Variants in CREG1 observed in about 807,000 individuals in gnomAD.
The protein encoded by CREG1 is protein CREG1.
A neutral mutation model predicts 19.9 loss-of-function variants in CREG1; 20 were observed. That is an observed-to-expected ratio of 1.01 (90% CI 0.71 to 1.46). The LOEUF (loss-of-function observed/expected upper bound fraction) is 1.46. CREG1 is among the 40% of genes most tolerant of loss of function. The pLI, the probability that CREG1 is intolerant of heterozygous loss-of-function variation, is 0.00. For missense variants in CREG1, 290 were observed against 314.9 expected, an observed-to-expected ratio of 0.92 and a Z score of 0.60; for synonymous variants, 141 against 143.3, an observed-to-expected ratio of 0.98 and a Z score of 0.12.
At position 167,542,065 on chromosome 1, in the gene CREG1, C is replaced by T. The variant is rs920909875; in HGVS notation, c.*233G>A. On this transcript the variant is annotated 3_prime_UTR_variant, in exon 4 of 4. Transcript: ENST00000370509. ...GATTATAGTGAAGGATATTTCTCTA[C>T]GAAAATGGCTTCAAAATAGGAAAAA... The T allele has an allele frequency of 1.1e-4, 47 of 416,666 alleles. No individual in the cohort carries two copies. Among genetic ancestry groups the T allele is most frequent in the East Asian group, 8.1e-4 (22 of 27,054 alleles). The allele number at this position is 416,666 out of a possible 1,614,324, so 25.8% of individuals were successfully genotyped here. A position where few individuals can be genotyped will look rare whatever the true frequency, so the allele number is the denominator to read the frequency against.
At chr1:167,551,835 A>G (rs557334505) in intron 1 of CREG1, among the ~76,000 whole-genome samples, 2 of 152,282 alleles carry the variant, frequency 1.3e-5, no homozygotes, top group East Asian at 1.9e-4. Context: ...CAAACGCCTA[A>G]AGGTGTGGAA....
At chr1:167,545,096 C>CCA (rs1656294714) in intron 3 of CREG1, among the ~76,000 whole-genome samples, 1 of 152,166 alleles carries the variant, frequency 6.6e-6, no homozygotes, top group African/African-American at 2.4e-5. Context: ...GTGGGATAAA[C>CCA]CACACATCCC....
At chr1:167,546,568 G>A (rs1385067341) in intron 2 of CREG1, among the ~76,000 whole-genome samples, 1 of 152,130 alleles carries the variant, frequency 6.6e-6, no homozygotes, top group African/African-American at 2.4e-5. Flanking sequence ...CATGAACCCG[G>A]GAGGCGGAGC....
rs192252196 is a variant in CREG1, at chr1:167,548,685, T to C, written c.355-564A>G. Reference sequence around the variant, plus strand: ...CAAAAAGTAACACAAGTAAAATTCTTAATGCTTTCTTATTCAGAAATCAAC... The same window carrying C: ...CAAAAAGTAACACAAGTAAAATTCTCAATGCTTTCTTATTCAGAAATCAAC... On this transcript the variant is annotated intron_variant, in intron 1 of 3. Coordinates refer to ENST00000370509, the MANE Select transcript of CREG1 (RefSeq NM_003851.3). 5.1e-4 allele frequency among the ~76,000 whole-genome samples: 78 copies of C among 152,372 alleles called. 1 individual carries two copies. Among genetic ancestry groups the C allele is most frequent in the South Asian group, 1.2e-3 (6 of 4,828 alleles).
chr1:167,541,158 A>G lies in CREG1; in HGVS notation c.*1140T>C, dbSNP rs548233598. 4 of 152,332 alleles carry G rather than the reference A, an allele frequency of 2.6e-5. No homozygotes were observed. The South Asian group carries it at 6.2e-4, about 24-fold the overall frequency. The allele number at this position is 152,332 out of a possible 1,614,324, so 9.4% of individuals were successfully genotyped here. On this transcript the variant is annotated 3_prime_UTR_variant, in exon 4 of 4. Transcript: ENST00000370509. ...TTGCAGTTTTCAGACACAATGACTC[A>G]TATTCAACTTTTCTCTTTAAGGATT...
chr1:167,544,908 T>C (rs1278369074), intron 3 of CREG1, among the ~76,000 whole-genome samples: 1 of 151,888 alleles, frequency 6.6e-6, no homozygotes, highest in African/African-American at 2.4e-5. Flanking sequence ...ATGCCAGAAT[T>C]CCCTGTGTCA....
chr1:167,550,131 GGTC>G (rs993970364), intron 1 of CREG1, among the ~76,000 whole-genome samples: 1 of 152,040 alleles, frequency 6.6e-6, no homozygotes, highest in African/African-American at 2.4e-5. Flanking sequence ...CTGGGACTAC[GGTC>G]GTACACCACC....
chr1:167,549,447 C>T (rs113943184), intron 1 of CREG1, among the ~76,000 whole-genome samples: 8 of 150,220 alleles, frequency 5.3e-5, no homozygotes, highest in Admixed American at 3.3e-4. Flanking sequence ...TGCAGTGGTG[C>T]GATCTCAGCT....
chr1:167,548,150 T>C (rs1279599029), intron 1 of CREG1, 29 bp from the exon 2 acceptor site: 6 of 1,570,158 alleles, frequency 3.8e-6, no homozygotes, highest in South Asian at 1.1e-5. Flanking sequence ...GATCCTCTCA[T>C]GTGAAATATG....
intron 3 of CREG1, among the ~76,000 whole-genome samples, chr1:167,544,548 C>A (rs972478031): frequency 6.6e-6 from 1 of 151,964 alleles, no homozygotes; most frequent in African/African-American, 2.4e-5. Context: ...TTACACTGAG[C>A]TAGGAGCCTG....
Position 167,553,666 on chromosome 1 carries a change from C to G in CREG1, c.76G>C (p.Val26Leu), listed in dbSNP as rs1031093471. 3 of 1,339,934 alleles carry G rather than the reference C, an allele frequency of 2.2e-6. No individual in the cohort carries two copies. Among genetic ancestry groups the G allele is most frequent in the Non-Finnish European group, 9.5e-7 (1 of 1,051,324 alleles). 83.0% of individuals were successfully genotyped at this position (1,339,934 alleles called of 1,614,324 possible). The change falls in exon 1 of 4, where the codon GTG becomes CTG. Residue 26 changes from valine (V) to leucine (L), a missense_variant. By Grantham distance (32) the Val-to-Leu change is conservative. Coordinates refer to ENST00000370509, the MANE Select transcript of CREG1 (RefSeq NM_003851.3). Reference protein sequence around the residue: ...LLASTLLALLVSPARGRGGRD... With the variant: ...LLASTLLALLLSPARGRGGRD... ...CCGCCGCGACCCCGCGCGGGCGACA[C>G]GAGCAGCGCCAACAGCGTCGACGCC...
In CREG1 at chr1:167,549,447, C is replaced by A. The variant is rs113943184; in HGVS notation, c.355-1326G>T. On this transcript the variant is annotated intron_variant, in intron 1 of 3. Coordinates refer to ENST00000370509, the MANE Select transcript of CREG1 (RefSeq NM_003851.3). ...TCACCCAGGCTGGAGTGCAGTGGTG[C>A]GATCTCAGCTCACTGCAACCTCCAA... Among the ~76,000 whole-genome samples the A allele has an allele frequency of 8.7e-3, 1,301 of 150,320 alleles. 16 individuals carry two copies. Among genetic ancestry groups the A allele is most frequent in the African/African-American group, 0.03 (1,234 of 40,762 alleles).
intron 2 of CREG1, among the ~76,000 whole-genome samples, 189 bp downstream of exon 2, chr1:167,547,813 A>C (rs1173193209): frequency 1.3e-5 from 2 of 152,000 alleles, no homozygotes; most frequent in African/African-American, 4.8e-5. Flanking sequence ...CCCAGCTACT[A>C]GGGAGGCTGA....
At position 167,544,604 on chromosome 1, in the gene CREG1, A is replaced by G. The variant is rs181067603; in HGVS notation, c.659+1497T>C. Among the ~76,000 whole-genome samples, 23 of 152,226 alleles carry G rather than the reference A, an allele frequency of 1.5e-4. No homozygotes were observed. The East Asian group carries it at 3.9e-3, about 26-fold the overall frequency. ...CCAGAGGAGAAGTACAGCATCATGG[A>G]TAGAAGTCAGGTGATGGCTCTGGAG... On this transcript the variant is annotated intron_variant, in intron 3 of 3. Coordinates refer to ENST00000370509, the MANE Select transcript of CREG1 (RefSeq NM_003851.3).
In CREG1 at chr1:167,553,687, A is replaced by T; in HGVS notation, c.55T>A (p.Ser19Thr). Residue 19 changes from serine to threonine, a missense_variant, in exon 1 of 4, where the codon TCG (serine) becomes ACG (threonine). Physicochemically the swap from Ser to Thr is moderately conservative, Grantham distance 58 (BLOSUM62 1). Transcript: ENST00000370509. ...ARALLAALLA[S>T]TLLALLVSPA... The stretch of plus-strand genomic sequence containing the variant: ...GACACGAGCAGCGCCAACAGCGTCG[A>T]CGCCAGCAGGGCGGCGAGCAGTGCG... 7.6e-7 allele frequency: 1 copy of T among 1,317,880 alleles called. No homozygotes were observed. The highest frequency in any genetic ancestry group is 9.6e-7 in the Non-Finnish European group (1 of 1,039,896). The allele number at this position is 1,317,880 out of a possible 1,614,324, so 81.6% of individuals were successfully genotyped here.
Position 167,548,040 on chromosome 1 carries a change from G to A in CREG1, c.436C>T (p.Leu146Phe). The A allele has an allele frequency of 6.2e-7, 1 of 1,613,936 alleles. No homozygotes were observed. ...KKHGFDPQSP[L>F]CVHIMLSGTV... ...CCTGACAGCATTATGTGAACACAAA[G>A]GGGACTTTGTGGATCAAATCCATGT... The change falls in exon 2 of 4, where the codon CTT becomes TTT. Residue 146 changes from leucine (L) to phenylalanine (F), a missense_variant. Leu to Phe is a conservative substitution (Grantham distance 22). Coordinates refer to ENST00000370509, the MANE Select transcript of CREG1 (RefSeq NM_003851.3).
intron 3 of CREG1, 115 bp from the exon 4 acceptor site, chr1:167,542,416 G>T: frequency 9.7e-7 from 1 of 1,026,722 alleles, no homozygotes; most frequent in Non-Finnish European, 1.4e-6. Flanking sequence ...AAGATTTTCA[G>T]TTCATTTCAA....
At chr1:167,551,975 TAGAG>T (rs1481783986) in intron 1 of CREG1, among the ~76,000 whole-genome samples, 1 of 152,228 alleles carries the variant, frequency 6.6e-6, no homozygotes, top group African/African-American at 2.4e-5. Context: ...CAAGAAAAGT[TAGAG>T]ATTTACATTT....
In CREG1 at chr1:167,542,312, G is replaced by C; in HGVS notation, c.660-11C>G. 2.5e-6 allele frequency: 4 copies of C among 1,600,588 alleles called. No individual in the cohort carries two copies. The highest frequency in any genetic ancestry group is 3.4e-6 in the Non-Finnish European group (4 of 1,175,038). On this transcript the variant is annotated splice_polypyrimidine_tract_variant and intron_variant, in intron 3 of 3. Coordinates refer to ENST00000370509, the MANE Select transcript of CREG1 (RefSeq NM_003851.3). ...CACAGTCTGCTTCACCTAGAAAGGG[G>C]AACAGAGAAGAATTATTTTGTTAAA...
Sources: gnomAD v4.1 joint callset for allele counts (sites outside exome capture counted in the v4.1 genomes callset) on GRCh38, gnomAD v4.1.1 for gene constraint, MANE v1.5 for transcripts, NCBI Gene and HGNC (gene_info 2026-07-23, HGNC 2026-07-21) for gene names.